EXOSC7: variants seen among roughly 807,000 people sequenced by gnomAD.
EXOSC7 encodes exosome complex component RRP42.
Under a neutral mutation model 34.3 loss-of-function variants are expected in EXOSC7, and 25 were observed. That is an observed-to-expected ratio of 0.73 (90% CI 0.53 to 1.02). The LOEUF is 1.02. EXOSC7 is among the 50% of genes least tolerant of loss of function. EXOSC7 has a pLI of 0.00. For synonymous variants in EXOSC7, 130 were observed against 143.0 expected, an observed-to-expected ratio of 0.91 and a Z score of 0.65; for missense variants, 370 against 368.5, an observed-to-expected ratio of 1.00 and a Z score of -0.03.
intron 4 of EXOSC7, among the ~76,000 whole-genome samples, chr3:44,999,184 G>A (rs1220228135): frequency 6.6e-6 from 1 of 152,210 alleles, no homozygotes; most frequent in Non-Finnish European, 1.5e-5. Flanking sequence ...CAAAACTGAT[G>A]ACTACTGGGA....
chr3:44,980,007 GCTACTGCCC>G (rs1376831156), intron 1 of EXOSC7, among the ~76,000 whole-genome samples: 1 of 151,838 alleles, frequency 6.6e-6, no homozygotes. Context: ...ACTGGGAGTG[GCTACTGCCC>G]CTATTCCAAA....
At chr3:45,007,312 C>A in intron 6 of EXOSC7, 108 bp from the exon 7 acceptor site, 2 of 1,117,078 alleles carry the variant, frequency 1.8e-6, no homozygotes, top group Non-Finnish European at 2.6e-6. Context: ...CTGGAATGAC[C>A]AGTGCAAATA....
chr3:45,010,867 A>G (rs928622548), intron 7 of EXOSC7, among the ~76,000 whole-genome samples: 2 of 152,174 alleles, frequency 1.3e-5, no homozygotes, highest in East Asian at 1.9e-4. Flanking sequence ...CCTATAGTAC[A>G]GTGTCACCTG....
intron 1 of EXOSC7, among the ~76,000 whole-genome samples, chr3:44,988,266 A>G (rs1397779999): frequency 6.6e-6 from 1 of 152,256 alleles, no homozygotes; most frequent in African/African-American, 2.4e-5. Flanking sequence ...AGAAGCCCCC[A>G]GTGGCCAAAT....
At position 45,007,473 on chromosome 3, in the gene EXOSC7, G is replaced by A. The variant is rs1707083478; in HGVS notation, c.669G>A (p.Leu223=). ...CTCTTCAGGAGGAGGCCTGCTCGCTGGCCAGCTTGCTGGTGTCGGTGACCA... is the reference window on the plus strand; with the variant it reads ...CTCTTCAGGAGGAGGCCTGCTCGCTAGCCAGCTTGCTGGTGTCGGTGACCA... ...DATLQEEACS[L]ASLLVSVTSK... Residue 223 remains leucine (L), a synonymous_variant, in exon 7 of 8, where the codon CTG becomes CTA. Transcript: ENST00000265564. 6.2e-7 allele frequency: 1 copy of A among 1,614,210 alleles called. No homozygotes were observed. Among genetic ancestry groups the A allele is most frequent in the Non-Finnish European group, 8.5e-7 (1 of 1,180,034 alleles).
rs34579096 is a variant in EXOSC7, at chr3:44,994,856, GGTGTGTGTGTGTGTGTGT to G, written c.255-2198_255-2181del. On this transcript the variant is annotated intron_variant, in intron 3 of 7. Transcript: ENST00000265564. ...GACTGCTGGCTATGGTGGAAGAATG[GGTGTGTGTGTGTGTGTGT>G]GTGTGTGTGTGTGTGTGTGTGTGTG... Among the ~76,000 whole-genome samples the G allele has an allele frequency of 4.7e-4, 63 of 134,946 alleles. No homozygotes were observed. In the East Asian group the frequency reaches 4.9e-3, roughly 11 times the overall value. The allele number at this position is 134,946 out of a possible 152,430, so 88.5% of individuals were successfully genotyped here.
intron 2 of EXOSC7, 102 bp downstream of exon 2, chr3:44,989,343 G>T: frequency 1.0e-6 from 1 of 993,080 alleles, no homozygotes; most frequent in Non-Finnish European, 1.5e-6. Flanking sequence ...AATTGCTCTT[G>T]GGGAAATCGA....
rs1478877800 is a variant in EXOSC7, at chr3:45,011,108, A to C, written c.772-127A>C. On this transcript the variant is annotated intron_variant, in intron 7 of 7. Coordinates refer to ENST00000265564, the MANE Select transcript of EXOSC7 (RefSeq NM_015004.4). The stretch of plus-strand genomic sequence containing the variant: ...TTTTAATTTGCTTTAATTAAATAAA[A>C]GTCCTCTAAGGCAGATGGAATGTGT... 6.7e-6 allele frequency: 3 copies of C among 444,728 alleles called. No individual in the cohort carries two copies. In the East Asian group the frequency reaches 1.1e-4, roughly 16 times the overall value. The allele number at this position is 444,728 out of a possible 1,614,324, so 27.5% of individuals were successfully genotyped here.
At chr3:45,001,110 A>G (rs1706863567) in intron 4 of EXOSC7, among the ~76,000 whole-genome samples, 3 of 152,168 alleles carry the variant, frequency 2.0e-5, no homozygotes, top group African/African-American at 7.2e-5. Context: ...AGCATTTCTT[A>G]GAAATCAGTG....
chr3:44,996,788 C>T (rs1048163485), intron 3 of EXOSC7, among the ~76,000 whole-genome samples: 5 of 152,126 alleles, frequency 3.3e-5, no homozygotes, highest in Non-Finnish European at 5.9e-5. Flanking sequence ...TATTATCGGC[C>T]GAGGTTCACA....
At chr3:45,001,415 C>A in intron 4 of EXOSC7, 123 bp from the exon 5 acceptor site, 1 of 739,842 alleles carries the variant, frequency 1.4e-6, no homozygotes, top group South Asian at 1.6e-5. Flanking sequence ...TGCACTCCAG[C>A]CTGAGTGACA....
At chr3:44,988,706 G>C (rs1198305823) in intron 1 of EXOSC7, among the ~76,000 whole-genome samples, 3 of 152,178 alleles carry the variant, frequency 2.0e-5, no homozygotes, top group Admixed American at 2.0e-4. Flanking sequence ...GAGTTTTAGG[G>C]GTAGGAGGGC....
intron 6 of EXOSC7, 112 bp downstream of exon 6, chr3:45,005,526 T>C (rs1389199603): frequency 2.6e-5 from 27 of 1,028,230 alleles, no homozygotes; most frequent in Non-Finnish European, 3.5e-5. Flanking sequence ...ACACACCATA[T>C]AGAAGTAGCT....
At chr3:45,006,502 C>T (rs111883120) in intron 6 of EXOSC7, among the ~76,000 whole-genome samples, 10,523 of 147,474 alleles carry the variant, frequency 0.071, 455 homozygotes, top group Middle Eastern at 0.16. Context: ...CTGTAAGCTC[C>T]GCTTCCTGGG....
Position 44,983,949 on chromosome 3 carries a change from TA to T in EXOSC7, c.58-5190del, listed in dbSNP as rs1313335314. On this transcript the variant is annotated intron_variant, in intron 1 of 7. Transcript: ENST00000265564. The stretch of plus-strand genomic sequence containing the variant: ...GTTTGTTTTCCTCCTATCCTTTTTT[TA>T]TATGGAAAAAAATTATGCATGCTTG... 2.0e-5 allele frequency among the ~76,000 whole-genome samples: 3 copies of T among 152,208 alleles called. No individual in the cohort carries two copies. In the East Asian group the frequency reaches 5.8e-4, roughly 29 times the overall value.
intron 6 of EXOSC7, among the ~76,000 whole-genome samples, chr3:45,006,131 G>T (rs1466707643): frequency 3.1e-5 from 4 of 128,930 alleles, no homozygotes; most frequent in Non-Finnish European, 6.3e-5. Flanking sequence ...AGGCTGGAGT[G>T]CAATGGCGCG....
intron 1 of EXOSC7, among the ~76,000 whole-genome samples, chr3:44,979,155 C>T (rs1706204457): frequency 6.6e-6 from 1 of 152,166 alleles, no homozygotes; most frequent in South Asian, 2.1e-4. Flanking sequence ...AGGAGCAAAA[C>T]ACAATTTACA....
chr3:44,994,141 T>C (rs1427633090), intron 3 of EXOSC7, among the ~76,000 whole-genome samples: 2 of 152,148 alleles, frequency 1.3e-5, no homozygotes, highest in Non-Finnish European at 2.9e-5. Flanking sequence ...GACTCAGTTT[T>C]CTTGTTTCTA....
rs1216591618 is a variant in EXOSC7, at chr3:45,011,304, G to A, written c.841G>A (p.Gly281Arg). The A allele has an allele frequency of 1.2e-6, 2 of 1,613,080 alleles. No homozygotes were observed. The highest frequency in any genetic ancestry group is 1.7e-6 in the Non-Finnish European group (2 of 1,179,546). Residue 281 changes from glycine (G) to arginine (R), a missense_variant, in exon 8 of 8, where the codon GGG becomes AGG. Coordinates refer to ENST00000265564, the MANE Select transcript of EXOSC7 (RefSeq NM_015004.4). The stretch of plus-strand genomic sequence containing the variant: ...TGTTGTGCACAAGGAAGAAAGCCTG[G>A]GGCCCAAGAGACAGAAAGTTGGATT... ...QSVVHKEESL[G>R]PKRQKVGFLG
Sources: gnomAD v4.1 joint callset for allele counts (sites outside exome capture counted in the v4.1 genomes callset) on GRCh38, gnomAD v4.1.1 for gene constraint, MANE v1.5 for transcripts, NCBI Gene and HGNC (gene_info 2026-07-23, HGNC 2026-07-21) for gene names.